Variants in MAML3 observed in about 807,000 individuals in gnomAD.
MAML3 encodes the protein mastermind like transcriptional coactivator 3.
MAML3 carries 27 observed loss-of-function variants against 101.9 expected under a neutral mutation model. The ratio of observed to expected loss-of-function variants is 0.27; its 90% CI spans 0.20 to 0.37. MAML3 has a LOEUF of 0.37. Among genes scored for constraint, MAML3 ranks in the 10% least tolerant of loss-of-function variants. The pLI, the probability that MAML3 is intolerant of heterozygous loss-of-function variation, is 1.00. For synonymous variants in MAML3, 501 were observed against 555.9 expected (o/e 0.90, Z 1.39); for missense variants, 1,316 against 1,444.9 (o/e 0.91, Z 1.45).
intron 1 of MAML3, among the ~76,000 whole-genome samples, chr4:139,974,494 A>C (rs1251547499): frequency 1.3e-5 from 2 of 152,166 alleles, no homozygotes; most frequent in African/African-American, 2.4e-5. Flanking sequence ...GCATGTTATC[A>C]TTCCTTAATG....
At chr4:140,061,414 C>A (rs1441807093) in intron 1 of MAML3, among the ~76,000 whole-genome samples, 1 of 152,216 alleles carries the variant, frequency 6.6e-6, no homozygotes, top group Non-Finnish European at 1.5e-5. Flanking sequence ...AGACAGCAAT[C>A]TAGCACAGCT....
At chr4:139,743,434 T>C (rs1418081788) in intron 2 of MAML3, among the ~76,000 whole-genome samples, 1 of 152,246 alleles carries the variant, frequency 6.6e-6, no homozygotes, top group African/African-American at 2.4e-5. Flanking sequence ...AATAATTACT[T>C]TCCCCTTTGT....
intron 1 of MAML3, among the ~76,000 whole-genome samples, chr4:140,011,144 T>C (rs1726550871): frequency 1.0e-5 from 1 of 98,908 alleles, no homozygotes; most frequent in African/African-American, 4.1e-5. Flanking sequence ...TATACACATA[T>C]GTCATATATA....
chr4:139,946,448 AT>A lies in MAML3; in HGVS notation c.469-55482del, dbSNP rs796400528. ...CAATGTGAATAATCTCAGTGCAATA[AT>A]TTTTTTTTTGTTAAGCACACAGGTA... On this transcript the variant is annotated intron_variant, in intron 1 of 4. Transcript: ENST00000509479. Among the ~76,000 whole-genome samples, 664 of 150,804 alleles carry A rather than the reference AT, an allele frequency of 4.4e-3. 5 individuals carry two copies. Among genetic ancestry groups the A allele is most frequent in the African/African-American group, 0.015 (627 of 41,158 alleles).
chr4:139,840,562 A>G (rs574775490), intron 2 of MAML3, among the ~76,000 whole-genome samples: 112 of 152,298 alleles, frequency 7.4e-4, no homozygotes, highest in African/African-American at 2.7e-3. Flanking sequence ...AAATGAAGGG[A>G]TCCAGTTCCC....
chr4:140,142,375 A>C (rs763909691), intron 1 of MAML3, among the ~76,000 whole-genome samples: 1 of 152,204 alleles, frequency 6.6e-6, no homozygotes, highest in Non-Finnish European at 1.5e-5. Flanking sequence ...TCTTTCATTT[A>C]GTAATTTATT....
At chr4:140,064,474 G>A (rs1043241230) in intron 1 of MAML3, among the ~76,000 whole-genome samples, 3 of 152,220 alleles carry the variant, frequency 2.0e-5, no homozygotes, top group African/African-American at 4.8e-5. Flanking sequence ...CTTTACTGAT[G>A]TGTAAATGTT....
rs565873164 is a variant in MAML3 at position 139,881,862 on chromosome 4, G to A, written c.2079+7495C>T. 2.3e-4 allele frequency among the ~76,000 whole-genome samples: 35 copies of A among 152,132 alleles called. 2 individuals carry two copies. In the South Asian group the frequency reaches 6.4e-3, roughly 28 times the overall value. On this transcript the variant is annotated intron_variant, in intron 2 of 4. Transcript: ENST00000509479. ...ACAACAGGCATGCATCACCACGCTC[G>A]GCTAAGTTTTGCATTTTTAGTAGAG...
intron 1 of MAML3, among the ~76,000 whole-genome samples, chr4:139,957,756 T>C (rs1390218599): frequency 6.6e-6 from 1 of 152,212 alleles, no homozygotes; most frequent in Admixed American, 6.5e-5. Context: ...CTTCCCCATT[T>C]CCAAAACTTA....
chr4:140,092,219 G>A (rs572531351), intron 1 of MAML3, among the ~76,000 whole-genome samples: 1 of 151,634 alleles, frequency 6.6e-6, no homozygotes, highest in Non-Finnish European at 1.5e-5. Context: ...TGCAGACACC[G>A]AAACCTTGCG....
intron 1 of MAML3, among the ~76,000 whole-genome samples, chr4:140,078,218 G>A (rs1335946897): frequency 6.6e-6 from 1 of 151,996 alleles, no homozygotes; most frequent in Non-Finnish European, 1.5e-5. Context: ...CATAGCTCTA[G>A]CACCAAGGAA....
intron 1 of MAML3, among the ~76,000 whole-genome samples, chr4:139,901,064 C>T (rs1001522050): frequency 6.6e-6 from 1 of 152,192 alleles, no homozygotes; most frequent in Non-Finnish European, 1.5e-5. Context: ...CTGCAGCAAA[C>T]CTGCTTAGAA....
intron 2 of MAML3, among the ~76,000 whole-genome samples, chr4:139,756,406 A>T (rs1729651323): frequency 6.6e-6 from 1 of 152,228 alleles, no homozygotes; most frequent in Admixed American, 6.5e-5. Context: ...ATGTAACAGA[A>T]TCACACATGG....
chr4:139,733,550 A>T, intron 2 of MAML3, among the ~76,000 whole-genome samples: 1 of 125,432 alleles, frequency 8.0e-6, no homozygotes, highest in Admixed American at 9.0e-5. Context: ...CTTCAAAAGC[A>T]CAGTGTGAAA....
At position 140,153,480 on chromosome 4, in the gene MAML3, A is replaced by C; in HGVS notation, c.-153T>G. 215 of 737,204 alleles carry C rather than the reference A, an allele frequency of 2.9e-4. No individual in the cohort carries two copies. The highest frequency in any genetic ancestry group is 1.1e-3 in the East Asian group (26 of 24,158). 45.7% of individuals were successfully genotyped at this position (737,204 alleles called of 1,614,324 possible). A position where few individuals can be genotyped will look rare whatever the true frequency, so the allele number is the denominator to read the frequency against. On this transcript the variant is annotated 5_prime_UTR_variant, in exon 1 of 5. Coordinates refer to ENST00000509479, the MANE Select transcript of MAML3 (RefSeq NM_018717.5). ...ACGGCGATCCCGACGGGGCGAAAAAAACGGGGGGGGAGATTTTGGGGTGGT... is the reference window on the plus strand; with the variant it reads ...ACGGCGATCCCGACGGGGCGAAAAACACGGGGGGGGAGATTTTGGGGTGGT...
chr4:139,751,685 G>T (rs1304840455), intron 2 of MAML3, among the ~76,000 whole-genome samples: 1 of 152,178 alleles, frequency 6.6e-6, no homozygotes, highest in African/African-American at 2.4e-5. Flanking sequence ...GTACACAGAT[G>T]GGTGGGTTTG....
chr4:140,043,996 A>G (rs1252182650), intron 1 of MAML3, among the ~76,000 whole-genome samples: 1 of 152,226 alleles, frequency 6.6e-6, no homozygotes, highest in Non-Finnish European at 1.5e-5. Context: ...CCTGATAAAA[A>G]GGGAATAAAT....
intron 1 of MAML3, among the ~76,000 whole-genome samples, chr4:140,036,911 G>A (rs1726994892): frequency 6.6e-6 from 1 of 152,070 alleles, no homozygotes; most frequent in Admixed American, 6.5e-5. Context: ...TATGGTACAT[G>A]CTGCTGCTAT....
At chr4:139,830,815 C>G (rs1731151833) in intron 2 of MAML3, among the ~76,000 whole-genome samples, 1 of 152,078 alleles carries the variant, frequency 6.6e-6, no homozygotes, top group Admixed American at 6.6e-5. Context: ...TGAACAATCA[C>G]CGGCCTCTTA....
Sources: allele counts gnomAD v4.1 joint callset (sites outside exome capture counted in the v4.1 genomes callset), GRCh38; gene constraint gnomAD v4.1.1; transcripts MANE v1.5; gene names NCBI Gene and HGNC (gene_info 2026-07-23, HGNC 2026-07-21).